RNPC3: variants seen among roughly 807,000 people sequenced by gnomAD.
The protein encoded by RNPC3 is RNA-binding region-containing protein 3.
In RNPC3, 48 loss-of-function variants were observed where a neutral mutation model predicts 67.5. That is an observed-to-expected ratio of 0.71 (90% CI 0.56 to 0.90). RNPC3 has a LOEUF of 0.90. Ranked by LOEUF, RNPC3 falls within the 40% of genes least tolerant of loss-of-function variation. The probability of loss-of-function intolerance (pLI) is 0.00; values close to 1 mark genes in which losing one functional copy is unlikely to be tolerated. For missense variants in RNPC3, 637 were observed against 626.1 expected, an observed-to-expected ratio of 1.02 and a Z score of -0.19; for synonymous variants, 239 against 210.3, an observed-to-expected ratio of 1.14 and a Z score of -1.18.
In RNPC3 at chr1:103,543,387, A is replaced by G. The variant is rs1332939714; in HGVS notation, c.985A>G (p.Met329Val). ...AATTGAATTCCATATATCTACCGACATGCCAGCTGCATTTAAGAAAGATTT... is the reference window on the plus strand; with the variant it reads ...AATTGAATTCCATATATCTACCGACGTGCCAGCTGCATTTAAGAAAGATTT... ...KRIEFHISTD[M>V]PAAFKKDLEK... Residue 329 changes from methionine (M) to valine (V), a missense_variant, in exon 9 of 15, where the codon ATG (methionine) becomes GTG (valine). Met to Val is a conservative substitution (Grantham distance 21). This residue lies in a region of RNPC3 where 536 missense variants were observed against 500.3 expected (regional missense o/e 1.07). Coordinates refer to ENST00000423855, the MANE Select transcript of RNPC3 (RefSeq NM_017619.4). 2 of 1,521,414 alleles carry G rather than the reference A, an allele frequency of 1.3e-6. No individual in the cohort carries two copies. Among genetic ancestry groups the G allele is most frequent in the Admixed American group, 2.1e-5 (1 of 48,020 alleles). The allele number at this position is 1,521,414 out of a possible 1,614,324, so 94.2% of individuals were successfully genotyped here.
At chr1:103,554,166 C>T (rs1267091941) in intron 14 of RNPC3, 1 of 152,254 alleles carries the variant, frequency 6.6e-6, no homozygotes. Context: ...CCAGCCTGGG[C>T]AATGTAGGGA....
At chr1:103,547,636 A>C (rs1442209946) in intron 12 of RNPC3, among the ~76,000 whole-genome samples, 1 of 152,242 alleles carries the variant, frequency 6.6e-6, no homozygotes, top group Non-Finnish European at 1.5e-5. Flanking sequence ...CAATGAGTCA[A>C]AACTTTTTAG....
intron 2 of RNPC3, among the ~76,000 whole-genome samples, chr1:103,530,598 T>C (rs1650825987): frequency 6.6e-6 from 1 of 152,166 alleles, no homozygotes; most frequent in Non-Finnish European, 1.5e-5. Context: ...ATGTAGATTA[T>C]AGTAAGGAAC....
intron 14 of RNPC3, chr1:103,553,190 CTG>C (rs958381997): frequency 6.6e-6 from 1 of 152,090 alleles, no homozygotes; most frequent in African/African-American, 2.4e-5. Flanking sequence ...GGATTTCAGT[CTG>C]TATTTTTAAA....
chr1:103,542,482 A>T (rs1169204665), intron 8 of RNPC3, among the ~76,000 whole-genome samples: 1 of 151,994 alleles, frequency 6.6e-6, no homozygotes, highest in African/African-American at 2.4e-5. Flanking sequence ...TGATATTTTT[A>T]AAAATTAAGA....
chr1:103,546,911 T>A, intron 11 of RNPC3, 66 bp from the exon 12 acceptor site: 1 of 788,322 alleles, frequency 1.3e-6, no homozygotes, highest in South Asian at 1.7e-5. Context: ...CATTGATGTA[T>A]TTATTTATTT....
At chr1:103,527,624 T>A (rs1650751455) in intron 1 of RNPC3, 71 bp from the exon 2 acceptor site, 1 of 1,210,766 alleles carries the variant, frequency 8.3e-7, no homozygotes. Flanking sequence ...ACTCCACTGG[T>A]AAAAAGTCAG....
chr1:103,526,352 G>C (rs146220056), intron 1 of RNPC3, 90 bp downstream of exon 1: 2 of 1,106,870 alleles, frequency 1.8e-6, no homozygotes, highest in South Asian at 3.3e-5. Context: ...ATGGAAACGA[G>C]TGGGGAAGAT....
chr1:103,535,263 A>G (rs2101044942), intron 4 of RNPC3, 67 bp from the exon 5 acceptor site: 2 of 945,278 alleles, frequency 2.1e-6, no homozygotes, highest in Middle Eastern at 2.1e-4. Flanking sequence ...TTATCAGGTT[A>G]CCTAAAATGA....
intron 6 of RNPC3, 44 bp downstream of exon 6, chr1:103,536,238 G>A: frequency 7.2e-7 from 1 of 1,386,512 alleles, no homozygotes; most frequent in Non-Finnish European, 9.9e-7. Flanking sequence ...TTCTCTTCCT[G>A]AATGGGATTA....
At position 103,533,815 on chromosome 1, in the gene RNPC3, T is replaced by G. The variant is rs1276260072; in HGVS notation, c.317T>G (p.Val106Gly). Residue 106 changes from valine to glycine, a missense_variant, in exon 3 of 15, where the codon GTT (valine) becomes GGT (glycine). Around this residue, in one of 3 missense-constraint regions of RNPC3, gnomAD observed 536 missense variants for 500.3 expected, o/e 1.07. Coordinates refer to ENST00000423855, the MANE Select transcript of RNPC3 (RefSeq NM_017619.4). The part of the protein sequence containing the change: ...VVEFAKEQDR[V>G]HSPCPTSGSE... Reference sequence around the variant, plus strand: ...GAATTTGCAAAAGAGCAAGATCGAGTTCACTCCCCATGTCCCACTTCAGGC... The same window carrying G: ...GAATTTGCAAAAGAGCAAGATCGAGGTCACTCCCCATGTCCCACTTCAGGC... The G allele has an allele frequency of 5.2e-6, 8 of 1,534,274 alleles. No homozygotes were observed. Among genetic ancestry groups the G allele is most frequent in the African/African-American group, 1.4e-5 (1 of 72,850 alleles).
chr1:103,552,059 C>A, intron 14 of RNPC3: 1 of 246,604 alleles, frequency 4.1e-6, no homozygotes, highest in Non-Finnish European at 7.7e-6. Flanking sequence ...TATAGTAAAG[C>A]AATGGTTCTT....
chr1:103,542,722 A>T (rs1240846779), intron 8 of RNPC3, among the ~76,000 whole-genome samples: 1 of 151,824 alleles, frequency 6.6e-6, no homozygotes, highest in Non-Finnish European at 1.5e-5. Flanking sequence ...TTATAGTGAC[A>T]CTGAACAGTA....
intron 2 of RNPC3, among the ~76,000 whole-genome samples, chr1:103,533,020 C>T (rs540792285): frequency 1.3e-5 from 2 of 151,994 alleles, no homozygotes; most frequent in South Asian, 2.1e-4. Context: ...CAATAGAGGA[C>T]AGTAAATTAA....
chr1:103,550,616 G>A (rs1447985827), intron 12 of RNPC3, among the ~76,000 whole-genome samples: 6 of 143,036 alleles, frequency 4.2e-5, no homozygotes, highest in Non-Finnish European at 7.5e-5. Flanking sequence ...ACTCCAGCCT[G>A]GGTGACAGAG....
chr1:103,535,289 T>C (rs1650953295), intron 4 of RNPC3, 41 bp from the exon 5 acceptor site: 1 of 1,310,446 alleles, frequency 7.6e-7, no homozygotes, highest in Non-Finnish European at 1.1e-6. Flanking sequence ...TGATATGAAA[T>C]TATGAAAACA....
At position 103,555,234 on chromosome 1, in the gene RNPC3, A is replaced by G. The variant is rs1415367536; in HGVS notation, c.*213A>G. 2 of 152,030 alleles carry G rather than the reference A, an allele frequency of 1.3e-5. No individual in the cohort carries two copies. Among genetic ancestry groups the G allele is most frequent in the African/African-American group, 2.4e-5 (1 of 41,440 alleles). 9.4% of individuals were successfully genotyped at this position (152,030 alleles called of 1,614,324 possible). On this transcript the variant is annotated 3_prime_UTR_variant, in exon 15 of 15. Transcript: ENST00000423855. The stretch of plus-strand genomic sequence containing the variant: ...AATATAATAAATTGTTTCCTTTCCA[A>G]TAAAATAGTGTTTGTATTTTTTCTT...
chr1:103,536,321 TATG>T (rs1482831096), intron 6 of RNPC3, 127 bp downstream of exon 6: 3 of 647,064 alleles, frequency 4.6e-6, no homozygotes, highest in South Asian at 3.7e-5. Flanking sequence ...TATAAAGTAA[TATG>T]ATGATAATAG....
intron 8 of RNPC3, among the ~76,000 whole-genome samples, chr1:103,542,823 T>C (rs1278025425): frequency 1.3e-5 from 2 of 151,940 alleles, no homozygotes; most frequent in African/African-American, 2.4e-5. Context: ...TGAAATAATA[T>C]TTTGGATATA....
Sources: gnomAD v4.1 joint callset for allele counts (sites outside exome capture counted in the v4.1 genomes callset) on GRCh38, gnomAD v4.1.1 for gene constraint, gnomAD v4.1.1 regional missense constraint, MANE v1.5 for transcripts, NCBI Gene and HGNC (gene_info 2026-07-23, HGNC 2026-07-21) for gene names.